C19orf44: variants seen among roughly 807,000 people sequenced by gnomAD.
C19orf44 encodes uncharacterized protein C19orf44.
In C19orf44, 43 loss-of-function variants were observed where a neutral mutation model predicts 50.7. The observed-to-expected ratio is 0.85, with a 90% CI of 0.66 to 1.09. The LOEUF (loss-of-function observed/expected upper bound fraction) is 1.09. Ranked by LOEUF, C19orf44 falls within the 50% of genes least tolerant of loss-of-function variation. The pLI is 0.00. For missense variants in C19orf44, 722 were observed against 836.2 expected, an observed-to-expected ratio of 0.86 and a Z score of 1.68; for synonymous variants, 298 against 334.7, an observed-to-expected ratio of 0.89 and a Z score of 1.20.
intron 5 of C19orf44, 89 bp from the exon 6 acceptor site, chr19:16,512,925 A>T: frequency 9.7e-7 from 1 of 1,031,700 alleles, no homozygotes; most frequent in Non-Finnish European, 1.4e-6. Flanking sequence ...GAACAAGGTC[A>T]CGTAGTTTAT....
Position 16,501,331 on chromosome 19 carries a change from C to G in C19orf44, c.539C>G (p.Pro180Arg). ...VSRFLKKKQAPVENISPEAPA... is the reference protein window; with the variant it reads ...VSRFLKKKQARVENISPEAPA... ...AGGTTTCTAAAGAAGAAACAAGCAC[C>G]TGTTGAAAACATATCCCCTGAAGCA... The change falls in exon 2 of 9, where the codon CCT becomes CGT. Residue 180 changes from proline (P) to arginine (R), a missense_variant. By Grantham distance (103) the Pro-to-Arg change is moderately radical (BLOSUM62 -2). Coordinates refer to ENST00000221671, the MANE Select transcript of C19orf44 (RefSeq NM_032207.4). 1 of 1,614,148 alleles carries G rather than the reference C, an allele frequency of 6.2e-7. No homozygotes were observed. The highest frequency in any genetic ancestry group is 8.5e-7 in the Non-Finnish European group (1 of 1,180,040).
rs138964724 is a variant in C19orf44, at chr19:16,503,211, C to T, written c.906C>T (p.His302=). ...CAAGAGCAGACTACCCACAGAGTCA[C>T]GTTTCCAGTGACACCGCCTCCCACA... ...TRSRADYPQS[H]VSSDTASHTP... Residue 302 remains histidine (H), a synonymous_variant, in exon 3 of 9, where the codon CAC becomes CAT. Coordinates refer to ENST00000221671, the MANE Select transcript of C19orf44 (RefSeq NM_032207.4). The T allele has an allele frequency of 2.0e-4, 315 of 1,614,136 alleles. 3 individuals carry two copies. The African/African-American group carries it at 2.7e-3, about 14-fold the overall frequency.
intron 6 of C19orf44, among the ~76,000 whole-genome samples, chr19:16,513,450 C>T (rs1285504177): frequency 6.6e-6 from 1 of 152,200 alleles, no homozygotes; most frequent in African/African-American, 2.4e-5. Flanking sequence ...GTGGCGCGAT[C>T]TCCACTCACT....
chr19:16,519,188 G>A lies in C19orf44; in HGVS notation c.*41-906G>A, dbSNP rs370857958. On this transcript the variant is annotated intron_variant, in intron 8 of 8. Coordinates refer to ENST00000221671, the MANE Select transcript of C19orf44 (RefSeq NM_032207.4). This position sits in a 1 kb window ranked among gnomAD's most constrained non-coding sequence, Gnocchi z 6.0. Reference sequence around the variant, plus strand: ...TTACACTCGTCCCTGGCCTTCATGCGGGCGATGAAGGAGTAGCTCTTGTTC... The same window carrying A: ...TTACACTCGTCCCTGGCCTTCATGCAGGCGATGAAGGAGTAGCTCTTGTTC... The A allele has an allele frequency of 1.2e-6, 2 of 1,613,728 alleles. No individual in the cohort carries two copies. Among genetic ancestry groups the A allele is most frequent in the Non-Finnish European group, 1.7e-6 (2 of 1,179,976 alleles).
chr19:16,504,907 C>G (rs1232801114), intron 3 of C19orf44, among the ~76,000 whole-genome samples: 1 of 151,748 alleles, frequency 6.6e-6, no homozygotes, highest in African/African-American at 2.4e-5. Context: ...TAACCTCCGC[C>G]TCCTGGGTTC....
chr19:16,500,709 G>T, intron 1 of C19orf44, 83 bp from the exon 2 acceptor site: 1 of 1,367,284 alleles, frequency 7.3e-7, no homozygotes, highest in Non-Finnish European at 9.9e-7. Context: ...AAGACAGTGT[G>T]AGCTTTTGCC....
At chr19:16,502,826 A>C (rs1210917575) in intron 2 of C19orf44, among the ~76,000 whole-genome samples, 1 of 120,886 alleles carries the variant, frequency 8.3e-6, no homozygotes, top group Non-Finnish European at 1.8e-5. Flanking sequence ...CATTCCTACA[A>C]AAAAAAAAAA....
intron 7 of C19orf44, among the ~76,000 whole-genome samples, chr19:16,515,714 G>A (rs1177232528): frequency 6.6e-6 from 1 of 151,444 alleles, no homozygotes; most frequent in Non-Finnish European, 1.5e-5. Flanking sequence ...GATTACAGGT[G>A]CGAGCCACCA....
At chr19:16,497,107 C>T (rs974429819) in intron 1 of C19orf44, among the ~76,000 whole-genome samples, 4 of 152,016 alleles carry the variant, frequency 2.6e-5, no homozygotes, top group Non-Finnish European at 4.4e-5. Flanking sequence ...CACTGCACTC[C>T]GGCTAATTTT....
intron 5 of C19orf44, among the ~76,000 whole-genome samples, chr19:16,511,951 G>A (rs1205407429): frequency 6.7e-6 from 1 of 148,444 alleles, no homozygotes. Flanking sequence ...GAAGGTGGAG[G>A]TTGCAGTGAG....
intron 2 of C19orf44, among the ~76,000 whole-genome samples, chr19:16,502,701 T>C (rs1393827336): frequency 3.3e-5 from 5 of 152,030 alleles, no homozygotes; most frequent in Non-Finnish European, 5.9e-5. Flanking sequence ...ATAAGAACTT[T>C]TAGGTATCAG....
chr19:16,506,865 A>G, intron 4 of C19orf44, 91 bp downstream of exon 4: 1 of 949,296 alleles, frequency 1.1e-6, no homozygotes, highest in Non-Finnish European at 1.6e-6. Flanking sequence ...AAATTGAGGC[A>G]GGGTCTCACT....
chr19:16,521,271 C>A lies in C19orf44; in HGVS notation c.*1218C>A. ...GGGTGGGCTGAGGGCCCTGTGGCAGCCGGCTGCTTGAGACGTGCCGCCGTG... is the reference window on the plus strand; with the variant it reads ...GGGTGGGCTGAGGGCCCTGTGGCAGACGGCTGCTTGAGACGTGCCGCCGTG... On this transcript the variant is annotated 3_prime_UTR_variant, in exon 9 of 9. Transcript: ENST00000221671. 1 of 569,094 alleles carries A rather than the reference C, an allele frequency of 1.8e-6. No homozygotes were observed. Among genetic ancestry groups the A allele is most frequent in the South Asian group, 2.3e-5 (1 of 43,682 alleles). 35.3% of individuals were successfully genotyped at this position (569,094 alleles called of 1,614,324 possible). A position where few individuals can be genotyped will look rare whatever the true frequency, so the allele number is the denominator to read the frequency against.
rs1302162757 is a variant in C19orf44, at chr19:16,514,555, G to A, written c.1794G>A (p.Leu598=). The change falls in exon 7 of 9, where the codon CTG becomes CTA. Residue 598 remains leucine (L), a synonymous_variant. Coordinates refer to ENST00000221671, the MANE Select transcript of C19orf44 (RefSeq NM_032207.4). ...TCCATGATGTGCTGAAGCAGCAGCT[G>A]AGCCTGACGCAGCAGTTCATCCAGG... The part of the protein sequence containing the change: ...LALHDVLKQQ[L]SLTQQFIQAS... 2 of 1,611,522 alleles carry A rather than the reference G, an allele frequency of 1.2e-6. No homozygotes were observed. Among genetic ancestry groups the A allele is most frequent in the Non-Finnish European group, 1.7e-6 (2 of 1,179,632 alleles).
Position 16,509,945 on chromosome 19 carries a change from T to C in C19orf44, c.1596T>C (p.Ala532=). ...CAAGAGTGCTTGTGAAGGACACAGC[T>C]GTGCAGACGCCAGATCCTGCCTTCA... ...HVTRVLVKDT[A]VQTPDPAFTY... is the part of the protein sequence containing the mutation. Residue 532 remains alanine (A), a synonymous_variant, in exon 5 of 9, where the codon GCT becomes GCC. Coordinates refer to ENST00000221671, the MANE Select transcript of C19orf44 (RefSeq NM_032207.4). The C allele has an allele frequency of 1.2e-6, 2 of 1,614,210 alleles. No individual in the cohort carries two copies. The highest frequency in any genetic ancestry group is 1.7e-6 in the Non-Finnish European group (2 of 1,180,038).
Position 16,519,600 on chromosome 19 carries a change from C to T in C19orf44, c.*41-494C>T. 1 of 1,606,818 alleles carries T rather than the reference C, an allele frequency of 6.2e-7. No homozygotes were observed. The highest frequency in any genetic ancestry group is 8.5e-7 in the Non-Finnish European group (1 of 1,173,432). ...CACGCGTGAGGACCCATCCCGCGCC[C>T]TCCCCATTCCCTCGCCTTACCCATC... is the stretch of plus-strand genomic sequence containing the variant. On this transcript the variant is annotated intron_variant, in intron 8 of 8. Coordinates refer to ENST00000221671, the MANE Select transcript of C19orf44 (RefSeq NM_032207.4). This position sits in a 1 kb window ranked among gnomAD's most constrained non-coding sequence, Gnocchi z 6.0.
intron 5 of C19orf44, 78 bp downstream of exon 5, chr19:16,510,066 C>A: frequency 6.2e-7 from 1 of 1,601,112 alleles, no homozygotes; most frequent in East Asian, 2.2e-5. Context: ...CTGGGAGACA[C>A]GTGGGAGAGC....
In C19orf44 at chr19:16,520,574, C is replaced by T. The variant is rs1040724590; in HGVS notation, c.*521C>T. 3 of 1,554,920 alleles carry T rather than the reference C, an allele frequency of 1.9e-6. No individual in the cohort carries two copies. In the African/African-American group the frequency reaches 4.1e-5, roughly 21 times the overall value. ...GCTGCACCCAGCCCACCCTGGCCCT[C>T]AGGTTCCTAGACCACCCCAGATGCA... On this transcript the variant is annotated 3_prime_UTR_variant, in exon 9 of 9. Coordinates refer to ENST00000221671, the MANE Select transcript of C19orf44 (RefSeq NM_032207.4). The surrounding 1 kb of genome is among the most constrained non-coding windows in gnomAD (Gnocchi z 4.0).
Position 16,514,624 on chromosome 19 carries a change from G to C in C19orf44, c.1863G>C (p.Ala621=). The change falls in exon 7 of 9, where the codon GCG becomes GCC. Residue 621 remains alanine, a synonymous_variant. Transcript: ENST00000221671. ...LHASLLRSLD[A]DSFHYHTLEE... is the part of the protein sequence containing the mutation. ...CCTCCCTCCTGCGCTCCCTGGACGC[G>C]GACTCCTTCCACTACCACACCCTGG... 5.7e-6 allele frequency: 9 copies of C among 1,590,496 alleles called. No individual in the cohort carries two copies. Among genetic ancestry groups the C allele is most frequent in the Non-Finnish European group, 6.8e-6 (8 of 1,169,738 alleles).
Sources: allele counts gnomAD v4.1 joint callset (sites outside exome capture counted in the v4.1 genomes callset), GRCh38; gene constraint gnomAD v4.1.1; non-coding constraint Gnocchi (gnomAD v3.1); transcripts MANE v1.5; gene names NCBI Gene and HGNC (gene_info 2026-07-23, HGNC 2026-07-21).